Variants in LRRC8A observed in about 807,000 individuals in gnomAD.
The protein encoded by LRRC8A is volume-regulated anion channel subunit LRRC8A.
LRRC8A carries 24 observed loss-of-function variants against 52.5 expected under a neutral mutation model. The observed-to-expected ratio is 0.46, with a 90% CI of 0.33 to 0.64. The LOEUF is 0.64. Among genes scored for constraint, LRRC8A ranks in the 30% least tolerant of loss-of-function variants. The pLI is 0.02. For missense variants in LRRC8A, 677 were observed against 1,094.7 expected, an observed-to-expected ratio of 0.62 and a Z score of 5.38; for synonymous variants, 492 against 494.2, an observed-to-expected ratio of 1.00 and a Z score of 0.06.
At chr9:128,906,192 G>C (rs763961708) in intron 2 of LRRC8A, among the ~76,000 whole-genome samples, 1 of 151,992 alleles carries the variant, frequency 6.6e-6, no homozygotes, top group Non-Finnish European at 1.5e-5. Context: ...ACAGCGACGG[G>C]GTCATAGCTC....
At chr9:128,884,052 G>A (rs1019405075) in intron 1 of LRRC8A, among the ~76,000 whole-genome samples, 1 of 152,080 alleles carries the variant, frequency 6.6e-6, no homozygotes. Flanking sequence ...TAGATGTGGT[G>A]GTTCTCCATC....
At chr9:128,904,953 G>A (rs1295330881) in intron 2 of LRRC8A, among the ~76,000 whole-genome samples, 4 of 138,022 alleles carry the variant, frequency 2.9e-5, no homozygotes, top group African/African-American at 5.5e-5. Flanking sequence ...AGCCAAGATC[G>A]CACCACTGCA....
intron 2 of LRRC8A, among the ~76,000 whole-genome samples, chr9:128,890,130 TTGTGTGTG>T (rs57721007): frequency 1.8e-4 from 23 of 128,302 alleles, no homozygotes; most frequent in South Asian, 5.4e-4. Flanking sequence ...TGGCTTCATT[TTGTGTGTG>T]TGTGTGTGTG....
chr9:128,908,847 G>A lies in LRRC8A; in HGVS notation c.1683G>A (p.Val561=). 6.2e-7 allele frequency: 1 copy of A among 1,613,754 alleles called. No homozygotes were observed. Among genetic ancestry groups the A allele is most frequent in the Non-Finnish European group, 8.5e-7 (1 of 1,180,034 alleles). Residue 561 remains valine (V), a synonymous_variant, in exon 3 of 4, where the codon GTG becomes GTA. Coordinates refer to ENST00000372600, the MANE Select transcript of LRRC8A (RefSeq NM_019594.4). ...LKSNLSKLPQ[V]VTDVGVHLQK... is the part of the protein sequence containing the mutation. ...GCAACCTAAGCAAGCTGCCACAGGT[G>A]GTCACAGATGTGGGCGTGCACCTGC...
At chr9:128,905,320 T>C (rs538009768) in intron 2 of LRRC8A, among the ~76,000 whole-genome samples, 4 of 152,382 alleles carry the variant, frequency 2.6e-5, no homozygotes, top group Admixed American at 6.5e-5. Flanking sequence ...ATTTTCCGTA[T>C]GTTCTCCAGG....
intron 1 of LRRC8A, among the ~76,000 whole-genome samples, chr9:128,883,156 G>A (rs964770199): frequency 3.3e-5 from 5 of 152,158 alleles, no homozygotes; most frequent in African/African-American, 1.2e-4. Context: ...CGGTTCCTGG[G>A]TGAGCCACAC....
chr9:128,908,225 A>C lies in LRRC8A; in HGVS notation c.1061A>C (p.Glu354Ala). The change falls in exon 3 of 4, where the codon GAG (glutamate) becomes GCG (alanine). Residue 354 changes from glutamate (E) to alanine (A), a missense_variant. Physicochemically the swap from Glu to Ala is moderately radical, Grantham distance 107. Around this residue, in one of 4 missense-constraint regions of LRRC8A, gnomAD observed 422 missense variants for 741.5 expected, o/e 0.57. Coordinates refer to ENST00000372600, the MANE Select transcript of LRRC8A (RefSeq NM_019594.4). ...CGCTCCCTCAAGAAGTACTCGTTTGAGTCGATCCGTGAGGAGAGCAGCTAC... is the reference window on the plus strand; with the variant it reads ...CGCTCCCTCAAGAAGTACTCGTTTGCGTCGATCCGTGAGGAGAGCAGCTAC... ...LRRSLKKYSF[E>A]SIREESSYSD... 1 of 1,614,088 alleles carries C rather than the reference A, an allele frequency of 6.2e-7. No individual in the cohort carries two copies. The highest frequency in any genetic ancestry group is 8.5e-7 in the Non-Finnish European group (1 of 1,180,026).
rs370094448 is a variant in LRRC8A, at chr9:128,908,751, G to A, written c.1587G>A (p.Ala529=). Residue 529 remains alanine (A), a synonymous_variant, in exon 3 of 4, where the codon GCG becomes GCA. Transcript: ENST00000372600. ...TGCACCTGACGGGCAACCTGAGCGC[G>A]GAGAACAACCGCTACATCGTCATCG... ...EELHLTGNLS[A]ENNRYIVIDG... The A allele has an allele frequency of 3.2e-5, 52 of 1,613,246 alleles. No individual in the cohort carries two copies. In the South Asian group the frequency reaches 3.8e-4, roughly 12 times the overall value.
chr9:128,914,931 G>A (rs953932093), intron 3 of LRRC8A, among the ~76,000 whole-genome samples: 15 of 152,342 alleles, frequency 9.8e-5, no homozygotes, highest in African/African-American at 3.4e-4. Flanking sequence ...CGCTAACAGT[G>A]TGGACGGTTC....
At chr9:128,912,026 G>A (rs1056310276) in intron 3 of LRRC8A, among the ~76,000 whole-genome samples, 8 of 152,232 alleles carry the variant, frequency 5.3e-5, no homozygotes, top group Admixed American at 1.3e-4. Flanking sequence ...GCTAATGAAA[G>A]CCTTGACAAG....
At position 128,907,915 on chromosome 9, in the gene LRRC8A, C is replaced by T; in HGVS notation, c.751C>T (p.Arg251Trp). The change falls in exon 3 of 4, where the codon CGG becomes TGG. Residue 251 changes from arginine to tryptophan, a missense_variant. Arg to Trp is a moderately radical substitution (Grantham distance 101). Coordinates refer to ENST00000372600, the MANE Select transcript of LRRC8A (RefSeq NM_019594.4). This position sits in a 1 kb window ranked among gnomAD's most constrained non-coding sequence, Gnocchi z 9.3. Reference sequence around the variant, plus strand: ...GCTGTTTGAGAAGGTGAAGAAGTTCCGGACCCATGTGGAGGAGGGGGACAT... The same window carrying T: ...GCTGTTTGAGAAGGTGAAGAAGTTCTGGACCCATGTGGAGGAGGGGGACAT... ...KALFEKVKKF[R>W]THVEEGDIVY... 6.2e-7 allele frequency: 1 copy of T among 1,614,056 alleles called. No homozygotes were observed. Among genetic ancestry groups the T allele is most frequent in the Non-Finnish European group, 8.5e-7 (1 of 1,180,024 alleles).
rs748632089 is a variant in LRRC8A, at chr9:128,902,138, C to G, written c.-8-5019C>G. 6.6e-6 allele frequency among the ~76,000 whole-genome samples: 1 copy of G among 152,228 alleles called. No individual in the cohort carries two copies. The highest frequency in any genetic ancestry group is 6.5e-5 in the Admixed American group (1 of 15,288). ...CTGCCATTGGAACCCCAGGGCCCTC[C>G]TCCACTCCCCAGACACACTCAAACT... On this transcript the variant is annotated intron_variant, in intron 2 of 3. Transcript: ENST00000372600. This position sits in a 1 kb window ranked among gnomAD's most constrained non-coding sequence, Gnocchi z 4.1.
rs1840327896 is a variant in LRRC8A, at chr9:128,908,054, T to A, written c.890T>A (p.Val297Glu). 1 of 1,614,094 alleles carries A rather than the reference T, an allele frequency of 6.2e-7. No homozygotes were observed. Among genetic ancestry groups the A allele is most frequent in the Non-Finnish European group, 8.5e-7 (1 of 1,180,022 alleles). ...ATCAAGTTCGACGTGGACTGCACCG[T>A]GGACATTGAGAGCCTGACGGGCTAC... The part of the protein sequence containing the change: ...HNIKFDVDCT[V>E]DIESLTGYRT... Residue 297 changes from valine (V) to glutamate (E), a missense_variant, in exon 3 of 4, where the codon GTG (valine) becomes GAG (glutamate). Around this residue, in one of 4 missense-constraint regions of LRRC8A, gnomAD observed 422 missense variants for 741.5 expected, o/e 0.57. Coordinates refer to ENST00000372600, the MANE Select transcript of LRRC8A (RefSeq NM_019594.4).
At chr9:128,910,021 G>T (rs546419398) in intron 3 of LRRC8A, among the ~76,000 whole-genome samples, 1 of 152,332 alleles carries the variant, frequency 6.6e-6, no homozygotes, top group Non-Finnish European at 1.5e-5. Flanking sequence ...ACTGTTGGTG[G>T]TCTGTGGGTG....
rs143630194 is a variant in LRRC8A at position 128,902,458 on chromosome 9, C to T, written c.-8-4699C>T. ...GGTCGGCGGGGCTGGGGCGGCTCCT[C>T]GCAGAGGAAGCAGGTGTTTCTGTGA... On this transcript the variant is annotated intron_variant, in intron 2 of 3. Coordinates refer to ENST00000372600, the MANE Select transcript of LRRC8A (RefSeq NM_019594.4). This position sits in a 1 kb window ranked among gnomAD's most constrained non-coding sequence, Gnocchi z 4.1. Among the ~76,000 whole-genome samples the T allele has an allele frequency of 5.3e-3, 802 of 152,248 alleles. 4 individuals are homozygous for T. Among genetic ancestry groups the T allele is most frequent in the Non-Finnish European group, 7.9e-3 (540 of 68,026 alleles).
At position 128,899,849 on chromosome 9, in the gene LRRC8A, C is replaced by T. The variant is rs1839959583; in HGVS notation, c.-8-7308C>T. ...GCACAACAGTGAATGTGCTTCATGC[C>T]ACTGAACTACACCCCTGAACATGGG... is the stretch of plus-strand genomic sequence containing the variant. On this transcript the variant is annotated intron_variant, in intron 2 of 3. Transcript: ENST00000372600. This position sits in a 1 kb window ranked among gnomAD's most constrained non-coding sequence, Gnocchi z 4.0. Among the ~76,000 whole-genome samples, 1 of 152,248 alleles carries T rather than the reference C, an allele frequency of 6.6e-6. No individual in the cohort carries two copies. The highest frequency in any genetic ancestry group is 3.4e-3 in the Middle Eastern group (1 of 294).
chr9:128,882,769 T>C (rs756313732), intron 1 of LRRC8A: 7 of 398,824 alleles, frequency 1.8e-5, no homozygotes, highest in Non-Finnish European at 3.1e-5. Context: ...CCGGCTAGGC[T>C]CTTGGGGCCT....
Position 128,906,316 on chromosome 9 carries a change from AT to A in LRRC8A, c.-8-818del, listed in dbSNP as rs71383620. 8.2e-3 allele frequency among the ~76,000 whole-genome samples: 650 copies of A among 79,242 alleles called. 2 individuals are homozygous for A. The highest frequency in any genetic ancestry group is 0.032 in the African/African-American group (611 of 18,942). The allele number at this position is 79,242 out of a possible 152,430, so 52.0% of individuals were successfully genotyped here. A position where few individuals can be genotyped will look rare whatever the true frequency, so the allele number is the denominator to read the frequency against. ...GCCACCATGCCAGCCCCCATGTGGA[AT>A]TTTTTTTTTTTTTTTTTTTTTTGAG... On this transcript the variant is annotated intron_variant, in intron 2 of 3. Coordinates refer to ENST00000372600, the MANE Select transcript of LRRC8A (RefSeq NM_019594.4).
intron 2 of LRRC8A, among the ~76,000 whole-genome samples, chr9:128,906,888 TA>T (rs916233308): frequency 1.3e-5 from 2 of 152,242 alleles, no homozygotes; most frequent in Admixed American, 1.3e-4. Context: ...GGGATCTGTC[TA>T]ATCTCACTGT....
Sources: gnomAD v4.1 joint callset for allele counts (sites outside exome capture counted in the v4.1 genomes callset) on GRCh38, gnomAD v4.1.1 for gene constraint, gnomAD v4.1.1 regional missense constraint, Gnocchi (gnomAD v3.1) non-coding constraint, MANE v1.5 for transcripts, NCBI Gene and HGNC (gene_info 2026-07-23, HGNC 2026-07-21) for gene names.